ADAMTS5: variants seen among roughly 807,000 people sequenced by gnomAD.
The protein encoded by ADAMTS5 is ADAM metallopeptidase with thrombospondin type 1 motif 5, also known as A disintegrin and metalloproteinase with thrombospondin motifs 5.
A neutral mutation model predicts 81.4 loss-of-function variants in ADAMTS5; 54 were observed. The ratio of observed to expected loss-of-function variants is 0.66; its 90% confidence interval spans 0.53 to 0.83. The LOEUF is 0.83. Ranked by LOEUF, ADAMTS5 falls within the 40% of genes least tolerant of loss-of-function variation. The probability of loss-of-function intolerance (pLI) is 0.00; values close to 1 mark genes in which losing one functional copy is unlikely to be tolerated. For synonymous variants in ADAMTS5, 532 were observed against 508.8 expected (o/e 1.05, Z -0.61); for missense variants, 1,194 against 1,229.9 (o/e 0.97, Z 0.44).
rs1444896361 is a variant in ADAMTS5, at chr21:26,966,845, G to A, written c.-454C>T. 2.0e-5 allele frequency among the ~76,000 whole-genome samples: 3 copies of A among 152,268 alleles called. No individual in the cohort carries two copies. In the East Asian group the frequency reaches 5.8e-4, roughly 29 times the overall value. ...CGCTGCGCTGGACAAGCCGGCTGTG[G>A]AGGTTCCAAGCTCCGGGGCCCACTT... On this transcript the variant is annotated 5_prime_UTR_variant, in exon 1 of 8. Coordinates refer to ENST00000284987, the MANE Select transcript of ADAMTS5 (RefSeq NM_007038.5).
At chr21:26,924,719 T>G in intron 7 of ADAMTS5, 99 bp from the exon 8 acceptor site, 1 of 1,036,014 alleles carries the variant, frequency 9.7e-7, no homozygotes, top group Non-Finnish European at 1.4e-6. Flanking sequence ...AAACAGAAGT[T>G]CTCTAAAAAG....
intron 7 of ADAMTS5, among the ~76,000 whole-genome samples, chr21:26,928,805 C>T (rs1329225562): frequency 6.6e-6 from 1 of 151,354 alleles, no homozygotes; most frequent in Non-Finnish European, 1.5e-5. Context: ...TCTTCTCTGG[C>T]ATTCATCAGC....
In ADAMTS5 at chr21:26,924,626, A is replaced by G. The variant is rs755209535; in HGVS notation, c.2226-6T>C. 1 of 1,597,074 alleles carries G rather than the reference A, an allele frequency of 6.3e-7. No individual in the cohort carries two copies. The highest frequency in any genetic ancestry group is 1.1e-5 in the South Asian group (1 of 89,164). ...CCACGTCAGTGTAACCCTTACTGGAAGTAGGAATGTTCACAGGAAGTGGGG... is the reference window on the plus strand; with the variant it reads ...CCACGTCAGTGTAACCCTTACTGGAGGTAGGAATGTTCACAGGAAGTGGGG... On this transcript the variant is annotated splice_region_variant and splice_polypyrimidine_tract_variant and intron_variant, in intron 7 of 7. Transcript: ENST00000284987.
At chr21:26,961,858 C>T (rs1214367318) in intron 1 of ADAMTS5, among the ~76,000 whole-genome samples, 1 of 152,162 alleles carries the variant, frequency 6.6e-6, no homozygotes, top group African/African-American at 2.4e-5. Context: ...CCATCCCTCT[C>T]CCTCTTCCAA....
chr21:26,941,969 T>C (rs1414966394), intron 3 of ADAMTS5, among the ~76,000 whole-genome samples: 1 of 152,146 alleles, frequency 6.6e-6, no homozygotes, highest in Non-Finnish European at 1.5e-5. Flanking sequence ...AAAAGCTTCA[T>C]ACGTTAATTC....
chr21:26,952,572 G>C (rs995224952), intron 2 of ADAMTS5, among the ~76,000 whole-genome samples: 5 of 152,188 alleles, frequency 3.3e-5, no homozygotes, highest in Admixed American at 6.5e-5. Context: ...TTGTCTTACA[G>C]GGAAATCTCC....
In ADAMTS5 at chr21:26,919,231, T is replaced by A. The variant is rs530100250; in HGVS notation, c.*4822A>T. On this transcript the variant is annotated 3_prime_UTR_variant, in exon 8 of 8. Transcript: ENST00000284987. ...AGCATGCCCTGTTTTTTATTTGTTT[T>A]TTTTTTTTTTCCTACAAATCACAGT... The A allele has an allele frequency of 2.5e-3, 377 of 151,834 alleles. 1 individual carries two copies. The highest frequency in any genetic ancestry group is 8.8e-3 in the African/African-American group (365 of 41,474). The allele number at this position is 151,834 out of a possible 1,614,324, so 9.4% of individuals were successfully genotyped here. A position where few individuals can be genotyped will look rare whatever the true frequency, so the allele number is the denominator to read the frequency against.
At chr21:26,932,645 G>A (rs1475019894) in intron 5 of ADAMTS5, among the ~76,000 whole-genome samples, 3 of 152,002 alleles carry the variant, frequency 2.0e-5, no homozygotes, top group African/African-American at 4.8e-5. Context: ...AGATTGCAGT[G>A]AGCCAAGATT....
At chr21:26,946,487 A>C (rs2123190307) in intron 2 of ADAMTS5, among the ~76,000 whole-genome samples, 1 of 152,270 alleles carries the variant, frequency 6.6e-6, no homozygotes, top group East Asian at 1.9e-4. Context: ...AGGGATTGTG[A>C]AGGGGAATTG....
chr21:26,943,441 T>C lies in ADAMTS5; in HGVS notation c.1344A>G (p.Ala448=), dbSNP rs1987152091. ...LMSSILTSID[A]SKPWSKCTSA... ...AAGTGCATTTGGACCAGGGCTTAGA[T>C]GCATCAATGCTGGTAAGGATGGAAG... The change falls in exon 3 of 8, where the codon GCA becomes GCG. Residue 448 remains alanine, a synonymous_variant. Transcript: ENST00000284987. 6.2e-7 allele frequency: 1 copy of C among 1,613,638 alleles called. No homozygotes were observed. The highest frequency in any genetic ancestry group is 1.3e-5 in the African/African-American group (1 of 74,910).
chr21:26,937,217 G>A (rs926129374), intron 3 of ADAMTS5, among the ~76,000 whole-genome samples: 1 of 151,834 alleles, frequency 6.6e-6, no homozygotes, highest in African/African-American at 2.4e-5. Flanking sequence ...ATTTGAAATC[G>A]GCTTCCAACA....
rs55933916 is a variant in ADAMTS5 at position 26,966,104 on chromosome 21, C to G, written c.288G>C (p.Arg96=). ...KVGYLVYAGG[R]RFLLDLERDG... ...CTCGCTCCAGGTCCAAGAGGAACCT[C>G]CGGCCGCCCGCGTAGACGAGGTAGC... The change falls in exon 1 of 8, where the codon CGG becomes CGC. Residue 96 remains arginine, a synonymous_variant. Coordinates refer to ENST00000284987, the MANE Select transcript of ADAMTS5 (RefSeq NM_007038.5). 292,976 of 1,612,844 alleles carry G rather than the reference C, an allele frequency of 0.18. 28,704 individuals carry two copies. Among genetic ancestry groups the G allele is most frequent in the Non-Finnish European group, 0.2 (237,211 of 1,179,866 alleles).
intron 2 of ADAMTS5, among the ~76,000 whole-genome samples, chr21:26,946,217 C>G (rs1017592535): frequency 7.9e-5 from 12 of 152,124 alleles, no homozygotes; most frequent in African/African-American, 2.2e-4. Context: ...TCAGGAAAGA[C>G]GTGACACACA....
chr21:26,940,044 A>T (rs1987084208), intron 3 of ADAMTS5, among the ~76,000 whole-genome samples: 1 of 152,232 alleles, frequency 6.6e-6, no homozygotes, highest in African/African-American at 2.4e-5. Flanking sequence ...TAAATCAGGA[A>T]ACACTCAGTA....
rs1986979054 is a variant in ADAMTS5, at chr21:26,934,660, G to C, written c.1495C>G (p.Leu499Val). 1 of 1,614,178 alleles carries C rather than the reference G, an allele frequency of 6.2e-7. No homozygotes were observed. Among genetic ancestry groups the C allele is most frequent in the Non-Finnish European group, 8.5e-7 (1 of 1,180,036 alleles). Reference sequence around the variant, plus strand: ...ACGGAGTACTCAGGCCCGAATGTCAGGTTGCACTGCTGGGTGGCATCGTAG... The same window carrying C: ...ACGGAGTACTCAGGCCCGAATGTCACGTTGCACTGCTGGGTGGCATCGTAG... ...QTYDATQQCNLTFGPEYSVCP... is the reference protein window; with the variant it reads ...QTYDATQQCNVTFGPEYSVCP... Residue 499 changes from leucine (L) to valine (V), a missense_variant, in exon 4 of 8, where the codon CTG becomes GTG. Leu to Val is a conservative substitution (Grantham distance 32, BLOSUM62 1). This residue lies in a region of ADAMTS5 where 696 missense variants were observed against 817.6 expected (regional missense o/e 0.85). Transcript: ENST00000284987.
chr21:26,953,579 T>C (rs1284613050), intron 2 of ADAMTS5, among the ~76,000 whole-genome samples: 2 of 152,184 alleles, frequency 1.3e-5, no homozygotes, highest in African/African-American at 4.8e-5. Flanking sequence ...ATTAGGAATG[T>C]AAAAAAGTAG....
At position 26,966,201 on chromosome 21, in the gene ADAMTS5, A is replaced by G; in HGVS notation, c.191T>C (p.Leu64Pro). 6.3e-7 allele frequency: 1 copy of G among 1,597,878 alleles called. No homozygotes were observed. The highest frequency in any genetic ancestry group is 8.5e-7 in the Non-Finnish European group (1 of 1,172,442). The change falls in exon 1 of 8, where the codon CTG becomes CCG. Residue 64 changes from leucine (L) to proline (P), a missense_variant. Leu to Pro is a moderately conservative substitution (Grantham distance 98). Coordinates refer to ENST00000284987, the MANE Select transcript of ADAMTS5 (RefSeq NM_007038.5). Reference sequence around the variant, plus strand: ...CCCCTTGCTCCTGCGCCGCTGCGCCAGGGGGTGCGGGTGGCCGGGAGGCTC... The same window carrying G: ...CCCCTTGCTCCTGCGCCGCTGCGCCGGGGGGTGCGGGTGGCCGGGAGGCTC... The part of the protein sequence containing the change: ...RAEPPGHPHP[L>P]AQRRRSKGLV...
rs1819611847 is a variant in ADAMTS5, at chr21:26,923,191, A to AT, written c.*861dup. On this transcript the variant is annotated 3_prime_UTR_variant, in exon 8 of 8. Coordinates refer to ENST00000284987, the MANE Select transcript of ADAMTS5 (RefSeq NM_007038.5). The stretch of plus-strand genomic sequence containing the variant: ...TAAATTGAAAACACAGTGAAATACG[A>AT]TTTTTTTCCTTTTAAATTTCCAACA... 6.6e-6 allele frequency: 1 copy of AT among 152,062 alleles called. No homozygotes were observed. Among genetic ancestry groups the AT allele is most frequent in the Admixed American group, 6.6e-5 (1 of 15,244 alleles). The allele number at this position is 152,062 out of a possible 1,614,324, so 9.4% of individuals were successfully genotyped here.
intron 3 of ADAMTS5, among the ~76,000 whole-genome samples, chr21:26,936,854 T>C (rs908535072): frequency 3.3e-5 from 5 of 152,210 alleles, no homozygotes; most frequent in Admixed American, 6.5e-5. Flanking sequence ...AAAAACATTA[T>C]CTTCATTGCA....
Sources: gnomAD v4.1 joint callset for allele counts (sites outside exome capture counted in the v4.1 genomes callset) on GRCh38, gnomAD v4.1.1 for gene constraint, gnomAD v4.1.1 regional missense constraint, MANE v1.5 for transcripts, NCBI Gene and HGNC (gene_info 2026-07-23, HGNC 2026-07-21) for gene names.